Variants in GMPS observed in about 807,000 individuals in gnomAD.
GMPS encodes guanosine monophosphate synthase.
A neutral mutation model predicts 77.9 loss-of-function variants in GMPS; 15 were observed. That is an observed-to-expected ratio of 0.19 (90% CI 0.13 to 0.30). The LOEUF (loss-of-function observed/expected upper bound fraction) is 0.30. GMPS is among the 10% of genes least tolerant of loss of function. GMPS has a pLI of 1.00. For synonymous variants in GMPS, 224 were observed against 275.9 expected (o/e 0.81, Z 1.86); for missense variants, 590 against 838.8 (o/e 0.70, Z 3.66).
chr3:155,919,413 C>A, intron 10 of GMPS, 75 bp downstream of exon 10: 1 of 688,784 alleles, frequency 1.5e-6, no homozygotes, highest in South Asian at 1.7e-5. Context: ...TCAGACAATT[C>A]TGAAATAATC....
At chr3:155,880,548 G>A (rs1386984896) in intron 1 of GMPS, among the ~76,000 whole-genome samples, 12 of 152,198 alleles carry the variant, frequency 7.9e-5, no homozygotes, top group Non-Finnish European at 1.5e-5. Context: ...CTTTAAGTAT[G>A]TAGTTGAGTT....
At chr3:155,898,957 G>A (rs548191473) in intron 3 of GMPS, among the ~76,000 whole-genome samples, 8 of 152,346 alleles carry the variant, frequency 5.3e-5, no homozygotes, top group Admixed American at 1.3e-4. Context: ...TAGGCCAGGC[G>A]TGGTGGCTCA....
At position 155,941,536 on chromosome 3, in the gene GMPS, T is replaced by C. The variant is rs1050757876; in HGVS notation, c.*3844T>C. 1 of 218,382 alleles carries C rather than the reference T, an allele frequency of 4.6e-6. No homozygotes were observed. The highest frequency in any genetic ancestry group is 2.2e-5 in the African/African-American group (1 of 44,558). 13.5% of individuals were successfully genotyped at this position (218,382 alleles called of 1,614,324 possible). A position where few individuals can be genotyped will look rare whatever the true frequency, so the allele number is the denominator to read the frequency against. On this transcript the variant is annotated 3_prime_UTR_variant, in exon 16 of 16. Coordinates refer to ENST00000496455, the MANE Select transcript of GMPS (RefSeq NM_003875.3). ...CCTGTCTTTCAGAAATTCTCTGACA[T>C]CTGCTTGCGCAATGTTATAACCACT... is the stretch of plus-strand genomic sequence containing the variant.
rs183983572 is a variant in GMPS, at chr3:155,928,595, T to A, written c.1561-3170T>A. Among the ~76,000 whole-genome samples, 750 of 151,818 alleles carry A rather than the reference T, an allele frequency of 4.9e-3. 7 individuals carry two copies. The highest frequency in any genetic ancestry group is 0.017 in the African/African-American group (723 of 41,390). ...TACATGTGCACATTGTGCAGGTTAG[T>A]TACATATGTATACATGTGCCATGCT... On this transcript the variant is annotated intron_variant, in intron 12 of 15. Coordinates refer to ENST00000496455, the MANE Select transcript of GMPS (RefSeq NM_003875.3).
intron 11 of GMPS, 83 bp downstream of exon 11, chr3:155,922,385 T>A: frequency 3.5e-6 from 2 of 567,852 alleles, no homozygotes; most frequent in East Asian, 6.7e-5. Flanking sequence ...TTTTTTAGGG[T>A]TTTATTATTT....
At chr3:155,901,438 A>G (rs2108086952) in intron 3 of GMPS, among the ~76,000 whole-genome samples, 1 of 152,172 alleles carries the variant, frequency 6.6e-6, no homozygotes, top group Non-Finnish European at 1.5e-5. Flanking sequence ...TCTTTCTATT[A>G]TAGACAATAT....
intron 13 of GMPS, among the ~76,000 whole-genome samples, chr3:155,933,347 C>G (rs1755677034): frequency 6.6e-6 from 1 of 152,040 alleles, no homozygotes; most frequent in Non-Finnish European, 1.5e-5. Flanking sequence ...AGGGACTGTT[C>G]CAGTTTTACT....
At chr3:155,929,103 A>G (rs1755532141) in intron 12 of GMPS, among the ~76,000 whole-genome samples, 1 of 151,600 alleles carries the variant, frequency 6.6e-6, no homozygotes, top group African/African-American at 2.4e-5. Context: ...ATCCCTGAGG[A>G]ATCGCCACAC....
In GMPS at chr3:155,936,280, C is replaced by A; in HGVS notation, c.1808-58C>A. 3.8e-6 allele frequency: 4 copies of A among 1,057,110 alleles called. No individual in the cohort carries two copies. In the South Asian group the frequency reaches 3.9e-5, roughly 10 times the overall value. 65.5% of individuals were successfully genotyped at this position (1,057,110 alleles called of 1,614,324 possible). A position where few individuals can be genotyped will look rare whatever the true frequency, so the allele number is the denominator to read the frequency against. ...TATTGCCTGGGAGGATTTAATTGAA[C>A]TGAGTTAGAGTGCTTTTCTATGGTG... On this transcript the variant is annotated intron_variant, in intron 14 of 15. Coordinates refer to ENST00000496455, the MANE Select transcript of GMPS (RefSeq NM_003875.3).
At chr3:155,899,173 G>C (rs1754671956) in intron 3 of GMPS, among the ~76,000 whole-genome samples, 1 of 152,190 alleles carries the variant, frequency 6.6e-6, no homozygotes, top group East Asian at 1.9e-4. Context: ...TTCGAGACCA[G>C]CCTGACCAAC....
At position 155,941,355 on chromosome 3, in the gene GMPS, G is replaced by A. The variant is rs1306833561; in HGVS notation, c.*3663G>A. 1 of 172,564 alleles carries A rather than the reference G, an allele frequency of 5.8e-6. No homozygotes were observed. The highest frequency in any genetic ancestry group is 1.2e-5 in the Non-Finnish European group (1 of 83,474). The allele number at this position is 172,564 out of a possible 1,614,324, so 10.7% of individuals were successfully genotyped here. A position where few individuals can be genotyped will look rare whatever the true frequency, so the allele number is the denominator to read the frequency against. On this transcript the variant is annotated 3_prime_UTR_variant, in exon 16 of 16. Coordinates refer to ENST00000496455, the MANE Select transcript of GMPS (RefSeq NM_003875.3). ...GGAGGCGGAGCTTGCAGTGAGCTGA[G>A]ATAGTGCCACTGCACTCCGGCCTGG...
At chr3:155,906,317 T>G in intron 5 of GMPS, 54 bp downstream of exon 5, 1 of 982,944 alleles carries the variant, frequency 1.0e-6, no homozygotes, top group Middle Eastern at 2.1e-4. Context: ...ATCTGAAGAG[T>G]AAGCATATGC....
intron 13 of GMPS, 21 bp downstream of exon 13, chr3:155,931,901 G>GGT (rs1755633953): frequency 9.3e-7 from 1 of 1,078,862 alleles, no homozygotes; most frequent in Non-Finnish European, 1.4e-6. Flanking sequence ...CAGGAGCTAG[G>GGT]GTGGGGGCTT....
At position 155,873,187 on chromosome 3, in the gene GMPS, C is replaced by T. The variant is rs551819266; in HGVS notation, c.27+2290C>T. On this transcript the variant is annotated intron_variant, in intron 1 of 15. Transcript: ENST00000496455. The stretch of plus-strand genomic sequence containing the variant: ...TTTCAGTTATCAGGATTTTCTAAAA[C>T]GGCGTTTTTGCATGATAGAAACTGG... Among the ~76,000 whole-genome samples, 14 of 152,228 alleles carry T rather than the reference C, an allele frequency of 9.2e-5. No homozygotes were observed. The East Asian group carries it at 9.6e-4, about 10-fold the overall frequency.
intron 11 of GMPS, among the ~76,000 whole-genome samples, chr3:155,924,061 G>T (rs554930167): frequency 6.6e-6 from 1 of 152,132 alleles, no homozygotes; most frequent in Non-Finnish European, 1.5e-5. Context: ...TGTATTTTTA[G>T]TTGAGACGGG....
chr3:155,904,588 C>T (rs1366144758), intron 4 of GMPS, among the ~76,000 whole-genome samples: 1 of 151,960 alleles, frequency 6.6e-6, no homozygotes, highest in South Asian at 2.1e-4. Context: ...TGCACCCTGC[C>T]GAAGATTATT....
intron 4 of GMPS, among the ~76,000 whole-genome samples, chr3:155,904,484 G>A (rs1754822079): frequency 6.6e-6 from 1 of 151,840 alleles, no homozygotes; most frequent in Non-Finnish European, 1.5e-5. Flanking sequence ...GAGACAGGGT[G>A]TCACTATATT....
chr3:155,870,779 T>A lies in GMPS; in HGVS notation c.-92T>A, dbSNP rs944210458. On this transcript the variant is annotated 5_prime_UTR_variant, in exon 1 of 16. Transcript: ENST00000496455. ...GCTGCTCCTCGACCAGGCCTCCTTC[T>A]CAACCTCAGCCCGCGGCGCCGACCC... The A allele has an allele frequency of 3.8e-5, 33 of 868,316 alleles. No individual in the cohort carries two copies. Among genetic ancestry groups the A allele is most frequent in the Non-Finnish European group, 5.6e-5 (31 of 558,222 alleles). 53.8% of individuals were successfully genotyped at this position (868,316 alleles called of 1,614,324 possible).
rs1755854174 is a variant in GMPS at position 155,940,146 on chromosome 3, C to G, written c.*2454C>G. ...CTTACCATCTACCTGGGACACATCT[C>G]TCTTTGATTAAATATATTCTTTTTC... On this transcript the variant is annotated 3_prime_UTR_variant, in exon 16 of 16. Transcript: ENST00000496455. 1 of 202,998 alleles carries G rather than the reference C, an allele frequency of 4.9e-6. No individual in the cohort carries two copies. The highest frequency in any genetic ancestry group is 2.3e-5 in the African/African-American group (1 of 43,680). The allele number at this position is 202,998 out of a possible 1,614,324, so 12.6% of individuals were successfully genotyped here.
Sources: gnomAD v4.1 joint callset for allele counts (sites outside exome capture counted in the v4.1 genomes callset) on GRCh38, gnomAD v4.1.1 for gene constraint, MANE v1.5 for transcripts, NCBI Gene and HGNC (gene_info 2026-07-23, HGNC 2026-07-21) for gene names.